Variants in RHOBTB3 observed in about 807,000 individuals in gnomAD.
The protein encoded by RHOBTB3 is rho-related BTB domain-containing protein 3.
Under a neutral mutation model 67.2 loss-of-function variants are expected in RHOBTB3, and 47 were observed. The ratio of observed to expected loss-of-function variants is 0.70; its 90% CI spans 0.55 to 0.89. RHOBTB3 has a LOEUF of 0.89. Ranked by LOEUF, RHOBTB3 falls within the 40% of genes least tolerant of loss-of-function variation. The probability of loss-of-function intolerance (pLI) is 0.00; values close to 1 mark genes in which losing one functional copy is unlikely to be tolerated. For missense variants in RHOBTB3, 631 were observed against 750.0 expected, an observed-to-expected ratio of 0.84 and a Z score of 1.85; for synonymous variants, 273 against 274.2, an observed-to-expected ratio of 1.00 and a Z score of 0.04.
intron 8 of RHOBTB3, 46 bp downstream of exon 8, chr5:95,768,212 G>T: frequency 6.4e-7 from 1 of 1,561,864 alleles, no homozygotes. Context: ...TTTATTTCTT[G>T]TTTTCTTTCC....
chr5:95,788,419 G>C (rs17363964), intron 10 of RHOBTB3, among the ~76,000 whole-genome samples: 478 of 152,284 alleles, frequency 3.1e-3, no homozygotes, highest in Non-Finnish European at 4.6e-3. Flanking sequence ...ACAGATACAG[G>C]TGCAGTTATT....
chr5:95,737,031 A>G lies in RHOBTB3; in HGVS notation c.371A>G (p.Asn124Ser), dbSNP rs1024674800. 1.2e-5 allele frequency: 19 copies of G among 1,604,682 alleles called. No homozygotes were observed. Among genetic ancestry groups the G allele is most frequent in the Non-Finnish European group, 1.6e-5 (19 of 1,172,308 alleles). ...ATTCCAGTGATAAAAAGAGCATTAA[A>G]TTCAGTTCCAGTAATTATTGCTGCT... ...NYIPVIKRAL[N>S]SVPVIIAAVG... Residue 124 changes from asparagine to serine, a missense_variant, in exon 3 of 12, where the codon AAT becomes AGT. Physicochemically the swap from Asn to Ser is conservative, Grantham distance 46 (BLOSUM62 1). Coordinates refer to ENST00000379982, the MANE Select transcript of RHOBTB3 (RefSeq NM_014899.4).
At chr5:95,728,957 T>C (rs748052203), upstream of RHOBTB3, among the ~76,000 whole-genome samples, 2 of 152,192 alleles carry the variant, frequency 1.3e-5, no homozygotes, top group Non-Finnish European at 2.9e-5. Context: ...ACCAGCACAA[T>C]GAGTCTACAA....
chr5:95,780,355 C>T lies in RHOBTB3; in HGVS notation c.1386C>T (p.Pro462=), dbSNP rs267600740. Residue 462 remains proline, a synonymous_variant, in exon 9 of 12, where the codon CCC becomes CCT. Coordinates refer to ENST00000379982, the MANE Select transcript of RHOBTB3 (RefSeq NM_014899.4). ...NYMEAKSVLI[P]VYGVSKETFL... is the part of the protein sequence containing the mutation. ...TGGAAGCAAAGAGTGTCCTGATTCC[C>T]GTTTATGGTGTTTCCAAAGAGACTT... 2.4e-5 allele frequency: 39 copies of T among 1,613,888 alleles called. No homozygotes were observed. In the South Asian group the frequency reaches 3.2e-4, roughly 13 times the overall value.
chr5:95,779,502 A>T (rs1745988177), intron 8 of RHOBTB3, among the ~76,000 whole-genome samples: 1 of 152,226 alleles, frequency 6.6e-6, no homozygotes, highest in African/African-American at 2.4e-5. Context: ...GTGGTGCAGC[A>T]GTAGCTAGAG....
chr5:95,731,716 C>T lies in RHOBTB3; in HGVS notation c.2+32C>T, dbSNP rs1755262274. 3.7e-6 allele frequency: 6 copies of T among 1,613,070 alleles called. No homozygotes were observed. In the East Asian group the frequency reaches 1.3e-4, roughly 36 times the overall value. On this transcript the variant is annotated intron_variant, in intron 1 of 11. Transcript: ENST00000379982. ...ACGCGCCGCCGTCCTGCCATTGTCT[C>T]TCTCCAGCGCGTGCCGTGCGCCCCA... is the stretch of plus-strand genomic sequence containing the variant.
At chr5:95,718,192 C>T (rs1465982353) in intron 1 of RHOBTB3, among the ~76,000 whole-genome samples, 2 of 151,860 alleles carry the variant, frequency 1.3e-5, no homozygotes, top group South Asian at 4.1e-4. Context: ...TTGCTTCTAG[C>T]CGTATGGGGA....
rs142187885 is a variant in RHOBTB3 at position 95,764,421 on chromosome 5, G to C, written c.1161+801G>C. ...GTTAAGGATGATCTCATCAATTATAGGTTCAAAATTATAAATTAGATTCAA... is the reference window on the plus strand; with the variant it reads ...GTTAAGGATGATCTCATCAATTATACGTTCAAAATTATAAATTAGATTCAA... On this transcript the variant is annotated intron_variant, in intron 7 of 11. Coordinates refer to ENST00000379982, the MANE Select transcript of RHOBTB3 (RefSeq NM_014899.4). Among the ~76,000 whole-genome samples, 505 of 152,182 alleles carry C rather than the reference G, an allele frequency of 3.3e-3. 4 individuals carry two copies. Among genetic ancestry groups the C allele is most frequent in the Middle Eastern group, 0.014 (4 of 294 alleles).
intron 10 of RHOBTB3, among the ~76,000 whole-genome samples, chr5:95,785,367 G>A (rs1024726057): frequency 2.0e-5 from 3 of 152,256 alleles, no homozygotes; most frequent in South Asian, 2.1e-4. Context: ...CGAGGCTGGC[G>A]GATCACGAGG....
intron 2 of RHOBTB3, among the ~76,000 whole-genome samples, chr5:95,734,916 T>C (rs1440146532): frequency 6.6e-6 from 1 of 152,230 alleles, no homozygotes; most frequent in East Asian, 1.9e-4. Context: ...CCAGTAACTC[T>C]GGAATTTTGA....
chr5:95,765,642 G>A (rs755157521), intron 7 of RHOBTB3, among the ~76,000 whole-genome samples: 2 of 152,210 alleles, frequency 1.3e-5, no homozygotes, highest in Non-Finnish European at 2.9e-5. Flanking sequence ...GCCTCTGCGA[G>A]CTCTCCAATT....
At chr5:95,728,977 C>A (rs1005946893), upstream of RHOBTB3, among the ~76,000 whole-genome samples, 1 of 152,186 alleles carries the variant, frequency 6.6e-6, no homozygotes, top group African/African-American at 2.4e-5. Context: ...AATGTCACGG[C>A]AATGTCAGGA....
chr5:95,771,952 T>C (rs1403428936), intron 8 of RHOBTB3, among the ~76,000 whole-genome samples: 2 of 114,440 alleles, frequency 1.7e-5, no homozygotes, highest in African/African-American at 6.5e-5. Context: ...TTTCTAAAAT[T>C]AGCTTTTAAA....
At chr5:95,792,633 A>G (rs999533201) in intron 11 of RHOBTB3, among the ~76,000 whole-genome samples, 1 of 150,222 alleles carries the variant, frequency 6.7e-6, no homozygotes, top group East Asian at 2.0e-4. Context: ...TCTACTAAAA[A>G]TACAAAAAAT....
rs1014890906 is a variant in RHOBTB3, at chr5:95,731,418, G to A, written c.-265G>A. 149 of 1,190,474 alleles carry A rather than the reference G, an allele frequency of 1.3e-4. No individual in the cohort carries two copies. The highest frequency in any genetic ancestry group is 3.3e-4 in the Middle Eastern group (1 of 3,008). 73.7% of individuals were successfully genotyped at this position (1,190,474 alleles called of 1,614,324 possible). A position where few individuals can be genotyped will look rare whatever the true frequency, so the allele number is the denominator to read the frequency against. ...CTGCGTCCACTTGGGGCTGTGCGGCGGTCCCGCGCCCGGCGATGTTCCCGG... is the reference window on the plus strand; with the variant it reads ...CTGCGTCCACTTGGGGCTGTGCGGCAGTCCCGCGCCCGGCGATGTTCCCGG... On this transcript the variant is annotated 5_prime_UTR_variant, in exon 1 of 12. Coordinates refer to ENST00000379982, the MANE Select transcript of RHOBTB3 (RefSeq NM_014899.4).
intron 6 of RHOBTB3, among the ~76,000 whole-genome samples, chr5:95,759,352 CTATT>C (rs1745334773): frequency 3.9e-5 from 6 of 152,224 alleles, no homozygotes; most frequent in Admixed American, 3.9e-4. Context: ...CTGCAGGTAT[CTATT>C]TATTATTCTT....
chr5:95,728,102 A>G (rs938946624), upstream of RHOBTB3, among the ~76,000 whole-genome samples: 1 of 152,230 alleles, frequency 6.6e-6, no homozygotes, highest in African/African-American at 2.4e-5. Context: ...GGCCCTACCT[A>G]TATGCACAAA....
At chr5:95,752,636 C>T (rs991106472) in intron 5 of RHOBTB3, among the ~76,000 whole-genome samples, 2 of 152,140 alleles carry the variant, frequency 1.3e-5, no homozygotes, top group South Asian at 4.1e-4. Flanking sequence ...AAGTCTAATG[C>T]TAAGTTACTA....
intron 3 of RHOBTB3, among the ~76,000 whole-genome samples, chr5:95,742,909 A>C (rs2112784249): frequency 6.6e-6 from 1 of 152,216 alleles, no homozygotes; most frequent in Admixed American, 6.5e-5. Context: ...TGTCTCTACT[A>C]AAAGTACAAA....
Sources: gnomAD v4.1 joint callset for allele counts (sites outside exome capture counted in the v4.1 genomes callset) on GRCh38, gnomAD v4.1.1 for gene constraint, MANE v1.5 for transcripts, NCBI Gene and HGNC (gene_info 2026-07-23, HGNC 2026-07-21) for gene names.